The following CAPN8 variants were observed in gnomAD, a reference collection of about 807,000 sequenced individuals.
CAPN8 encodes calpain 8.
CAPN8 carries 87 observed loss-of-function variants against 80.9 expected under a neutral mutation model. The observed-to-expected ratio is 1.07, with a 90% CI of 0.90 to 1.28. The LOEUF (loss-of-function observed/expected upper bound fraction) is 1.28, where lower values mean the gene tolerates loss of function less well. Among genes scored for constraint, CAPN8 ranks in the 50% most tolerant of loss-of-function variants. The probability of loss-of-function intolerance (pLI) is 0.00; values close to 1 mark genes in which losing one functional copy is unlikely to be tolerated. For missense variants in CAPN8, 757 were observed against 702.0 expected, an observed-to-expected ratio of 1.08 and a Z score of -0.89; for synonymous variants, 299 against 273.8, an observed-to-expected ratio of 1.09 and a Z score of -0.91.
At chr1:223,653,167 C>T (rs1658385909) in intron 2 of CAPN8, among the ~76,000 whole-genome samples, 1 of 150,702 alleles carries the variant, frequency 6.6e-6, no homozygotes, top group East Asian at 2.0e-4. Context: ...GAACGCTACC[C>T]CTCTGTGAGC....
chr1:223,663,711 T>C (rs1165033351), intron 1 of CAPN8, among the ~76,000 whole-genome samples: 1 of 152,110 alleles, frequency 6.6e-6, no homozygotes, highest in Non-Finnish European at 1.5e-5. Context: ...AGGGTAACCC[T>C]ATAGGTTTCA....
Position 223,625,845 on chromosome 1 carries a change from A to G in CAPN8, c.773T>C (p.Leu258Pro), listed in dbSNP as rs558427596. The G allele has an allele frequency of 4.5e-6, 7 of 1,551,590 alleles. No homozygotes were observed. In the African/African-American group the frequency reaches 6.8e-5, roughly 15 times the overall value. The change falls in exon 6 of 21, where the codon CTG (leucine) becomes CCG (proline). Residue 258 changes from leucine (L) to proline (P), a missense_variant. Coordinates refer to ENST00000366872, the MANE Select transcript of CAPN8 (RefSeq NM_001143962.2). The part of the protein sequence containing the change: ...AEAEAITSQK[L>P]VKSHAYSVTG... ...GACAGAGTACGCATGACTCTTAACC[A>G]GCTTCTGGCTGGTGATGGCTTCGGC...
intron 1 of CAPN8, among the ~76,000 whole-genome samples, chr1:223,655,161 T>C (rs1481892799): frequency 6.6e-6 from 1 of 152,214 alleles, no homozygotes; most frequent in Non-Finnish European, 1.5e-5. Context: ...ATTAGAAGAA[T>C]ATTTAGCAAA....
At chr1:223,644,444 CTCTCTACT>C (rs1223258181) in intron 2 of CAPN8, 3 of 165,272 alleles carry the variant, frequency 1.8e-5, no homozygotes, top group Non-Finnish European at 3.9e-5. Flanking sequence ...CAAAATTTCT[CTCTCTACT>C]TATTCTACAG....
chr1:223,626,201 T>C (rs1657572054), intron 5 of CAPN8, among the ~76,000 whole-genome samples: 1 of 152,054 alleles, frequency 6.6e-6, no homozygotes, highest in Admixed American at 6.5e-5. Flanking sequence ...AGAAGGCTAA[T>C]TCTCCATGCT....
chr1:223,629,374 A>C (rs201348413), intron 2 of CAPN8, among the ~76,000 whole-genome samples: 1 of 152,214 alleles, frequency 6.6e-6, no homozygotes, highest in East Asian at 1.9e-4. Flanking sequence ...GATACTGCTT[A>C]GCATTAAATC....
At chr1:223,558,842 G>A (rs1358265190) in intron 12 of CAPN8, among the ~76,000 whole-genome samples, 2 of 150,098 alleles carry the variant, frequency 1.3e-5, no homozygotes, top group Non-Finnish European at 3.0e-5. Flanking sequence ...TGGTATAAAT[G>A]TGTGTGTGAT....
At chr1:223,613,871 C>A (rs777065329) in intron 10 of CAPN8, among the ~76,000 whole-genome samples, 2 of 152,184 alleles carry the variant, frequency 1.3e-5, no homozygotes, top group Non-Finnish European at 2.9e-5. Context: ...CTTCTGATAC[C>A]CTCTTAACCT....
intron 2 of CAPN8, among the ~76,000 whole-genome samples, chr1:223,648,919 T>C (rs998876571): frequency 1.3e-5 from 2 of 152,090 alleles, no homozygotes; most frequent in Non-Finnish European, 2.9e-5. Flanking sequence ...ACCCCAGCAC[T>C]TATCAAACCC....
At chr1:223,648,768 C>A (rs11582415) in intron 2 of CAPN8, among the ~76,000 whole-genome samples, 1 of 152,034 alleles carries the variant, frequency 6.6e-6, no homozygotes, top group East Asian at 1.9e-4. Flanking sequence ...ATGAAAAAGA[C>A]ATCCATTTCA....
In CAPN8 at chr1:223,650,244, G is replaced by A. The variant is rs1383746456; in HGVS notation, c.307+4086C>T. Among the ~76,000 whole-genome samples the A allele has an allele frequency of 2.0e-5, 3 of 152,018 alleles. No homozygotes were observed. The East Asian group carries it at 5.8e-4, about 29-fold the overall frequency. On this transcript the variant is annotated intron_variant, in intron 2 of 20. Transcript: ENST00000366872. Reference sequence around the variant, plus strand: ...AGAGTGCAGGCTGGGCCAGACCTGGGATCCCCCTCCATTTACATGTTGGGG... The same window carrying A: ...AGAGTGCAGGCTGGGCCAGACCTGGAATCCCCCTCCATTTACATGTTGGGG...
At chr1:223,545,126 G>A in intron 17 of CAPN8, 105 bp downstream of exon 17, 2 of 1,527,772 alleles carry the variant, frequency 1.3e-6, no homozygotes, top group Non-Finnish European at 1.8e-6. Context: ...GGACTCAATA[G>A]TTTTGACCAT....
intron 6 of CAPN8, among the ~76,000 whole-genome samples, chr1:223,623,444 C>T (rs1046510223): frequency 6.6e-6 from 1 of 152,236 alleles, no homozygotes; most frequent in Non-Finnish European, 1.5e-5. Context: ...AAGTGGTGAA[C>T]GCAGGCCAGG....
At chr1:223,622,312 CAG>C (rs1342480840) in intron 7 of CAPN8, among the ~76,000 whole-genome samples, 1 of 152,206 alleles carries the variant, frequency 6.6e-6, no homozygotes, top group Non-Finnish European at 1.5e-5. Context: ...TCTCTCCAGT[CAG>C]TGATCAAACG....
chr1:223,652,382 G>T (rs1384923820), intron 2 of CAPN8, among the ~76,000 whole-genome samples: 1 of 152,010 alleles, frequency 6.6e-6, no homozygotes, highest in Non-Finnish European at 1.5e-5. Context: ...GAAACCCTTA[G>T]AGCAGATGAC....
Position 223,544,793 on chromosome 1 carries a change from T to C in CAPN8, c.1891A>G (p.Arg631Gly), listed in dbSNP as rs1187698743. 6.4e-7 allele frequency: 1 copy of C among 1,551,752 alleles called. No individual in the cohort carries two copies. ...HSGTIDAHEM[R>G]TALRKAGFTL... Reference sequence around the variant, plus strand: ...TCACCTGCCTTCCTGAGGGCTGTCCTCATCTCGTGGGCATCGATGGTGCCC... The same window carrying C: ...TCACCTGCCTTCCTGAGGGCTGTCCCCATCTCGTGGGCATCGATGGTGCCC... Residue 631 changes from arginine (R) to glycine (G), a missense_variant, in exon 18 of 21, where the codon AGG becomes GGG. Arg to Gly is a moderately radical substitution (Grantham distance 125). Transcript: ENST00000366872.
At chr1:223,662,510 A>G (rs562694232) in intron 1 of CAPN8, among the ~76,000 whole-genome samples, 1 of 152,176 alleles carries the variant, frequency 6.6e-6, no homozygotes, top group Non-Finnish European at 1.5e-5. Flanking sequence ...AATTCGGGGA[A>G]GAATGAATGG....
intron 15 of CAPN8, 44 bp from the exon 16 acceptor site, chr1:223,549,426 G>A (rs2102689604): frequency 6.4e-7 from 1 of 1,550,834 alleles, no homozygotes; most frequent in African/African-American, 1.4e-5. Flanking sequence ...CGGATCATTT[G>A]AAGGTGAGGG....
At chr1:223,542,996 A>C in intron 20 of CAPN8, 112 bp downstream of exon 20, 1 of 1,172,480 alleles carries the variant, frequency 8.5e-7, no homozygotes, top group Non-Finnish European at 1.2e-6. Context: ...CATGCATGGT[A>C]TTCACATGGA....
Sources: gnomAD v4.1 joint callset for allele counts (sites outside exome capture counted in the v4.1 genomes callset) on GRCh38, gnomAD v4.1.1 for gene constraint, MANE v1.5 for transcripts, NCBI Gene and HGNC (gene_info 2026-07-23, HGNC 2026-07-21) for gene names.